UNC80: variants seen among roughly 807,000 people sequenced by gnomAD.
UNC80 encodes the protein unc-80 subunit of NALCN channel complex.
Under a neutral mutation model 384.6 loss-of-function variants are expected in UNC80, and 164 were observed. The ratio of observed to expected loss-of-function variants is 0.43; its 90% CI spans 0.38 to 0.49. UNC80 has a LOEUF of 0.49. Ranked by LOEUF, UNC80 falls within the 20% of genes least tolerant of loss-of-function variation. The pLI, the probability that UNC80 is intolerant of heterozygous loss-of-function variation, is 0.00. For synonymous variants in UNC80, 1,486 were observed against 1,527.8 expected (o/e 0.97, Z 0.64); for missense variants, 3,330 against 4,143.0 (o/e 0.80, Z 5.39).
At position 209,819,193 on chromosome 2, in the gene UNC80, C is replaced by T; in HGVS notation, c.1894C>T (p.Leu632=). The change falls in exon 12 of 65, where the codon CTA becomes TTA. Residue 632 remains leucine (L), a synonymous_variant. Transcript: ENST00000673920. ...LTDSCINYSY[L]EDTEHIDGTN... is the part of the protein sequence containing the mutation. ...AGACTCCTGCATAAACTACAGCTACCTAGAGGACACAGAACATATTGACGG... is the reference window on the plus strand; with the variant it reads ...AGACTCCTGCATAAACTACAGCTACTTAGAGGACACAGAACATATTGACGG... 1 of 1,551,968 alleles carries T rather than the reference C, an allele frequency of 6.4e-7. No homozygotes were observed. Among genetic ancestry groups the T allele is most frequent in the Non-Finnish European group, 8.7e-7 (1 of 1,147,048 alleles).
At chr2:209,964,468 T>C (rs930542934) in intron 51 of UNC80, among the ~76,000 whole-genome samples, 15 of 151,948 alleles carry the variant, frequency 9.9e-5, no homozygotes, top group African/African-American at 3.4e-4. Context: ...AAATTCAGAG[T>C]GTTGCTACAG....
At chr2:209,803,569 TA>T (rs925817488) in intron 7 of UNC80, among the ~76,000 whole-genome samples, 22 of 152,328 alleles carry the variant, frequency 1.4e-4, no homozygotes, top group African/African-American at 5.3e-4. Flanking sequence ...TATGTCAGTA[TA>T]TGCCACCATT....
chr2:209,865,020 G>A (rs974046830), intron 22 of UNC80, among the ~76,000 whole-genome samples: 1 of 152,204 alleles, frequency 6.6e-6, no homozygotes, highest in African/African-American at 2.4e-5. Flanking sequence ...ACAATTCCAT[G>A]TTAAAAGCAC....
intron 5 of UNC80, among the ~76,000 whole-genome samples, chr2:209,788,611 A>G (rs2077604344): frequency 6.8e-6 from 1 of 147,830 alleles, no homozygotes; most frequent in African/African-American, 2.4e-5. Flanking sequence ...AGTAAAATAA[A>G]TATATAAATT....
At chr2:209,864,249 G>A (rs1382354177) in intron 22 of UNC80, among the ~76,000 whole-genome samples, 1 of 152,000 alleles carries the variant, frequency 6.6e-6, no homozygotes, top group Admixed American at 6.6e-5. Context: ...ACCTCGAGGG[G>A]CACCAACCTG....
Position 209,989,181 on chromosome 2 carries a change from C to G in UNC80, c.9315-2985C>G, listed in dbSNP as rs570244973. Among the ~76,000 whole-genome samples, 12 of 148,426 alleles carry G rather than the reference C, an allele frequency of 8.1e-5. No homozygotes were observed. In the South Asian group the frequency reaches 2.6e-3, roughly 32 times the overall value. On this transcript the variant is annotated intron_variant, in intron 61 of 64. Coordinates refer to ENST00000673920, the MANE Select transcript of UNC80 (RefSeq NM_001371986.1). ...TACCAAAAAAAAAAAAAAAAGTATT[C>G]AGGTGTGGTGGCACATATCTGTAAT...
At chr2:209,952,311 A>G (rs558753948) in intron 47 of UNC80, among the ~76,000 whole-genome samples, 12 of 152,256 alleles carry the variant, frequency 7.9e-5, no homozygotes, top group African/African-American at 2.9e-4. Flanking sequence ...AAAATGATTC[A>G]TTTTTACTCT....
At chr2:209,882,424 T>C (rs567609215) in intron 25 of UNC80, among the ~76,000 whole-genome samples, 325 of 152,304 alleles carry the variant, frequency 2.1e-3, no homozygotes, top group African/African-American at 7.6e-3. Flanking sequence ...CATTCATTGC[T>C]TCACACTCTA....
At chr2:209,928,245 AGAATT>A (rs1229590224) in intron 36 of UNC80, among the ~76,000 whole-genome samples, 2 of 152,200 alleles carry the variant, frequency 1.3e-5, no homozygotes, top group Non-Finnish European at 2.9e-5. Flanking sequence ...CTGAGGCAGG[AGAATT>A]GCTTGAACCT....
At chr2:209,889,200 A>G (rs563304002) in intron 26 of UNC80, among the ~76,000 whole-genome samples, 3 of 152,340 alleles carry the variant, frequency 2.0e-5, no homozygotes, top group African/African-American at 4.8e-5. Flanking sequence ...TTCAAGTAAT[A>G]TACTCAGCCT....
chr2:209,777,984 C>T (rs78837394), intron 4 of UNC80, among the ~76,000 whole-genome samples: 2,659 of 152,236 alleles, frequency 0.017, 73 homozygotes, highest in African/African-American at 0.059. Context: ...CTGTCATAGT[C>T]CTCAAAATGC....
At chr2:209,933,321 A>G (rs764059726) in intron 38 of UNC80, among the ~76,000 whole-genome samples, 3 of 152,154 alleles carry the variant, frequency 2.0e-5, no homozygotes, top group African/African-American at 7.2e-5. Context: ...GGTTTGTCAC[A>G]ACAAACCTCA....
chr2:209,938,704 C>G (rs1385367944), intron 42 of UNC80, among the ~76,000 whole-genome samples: 54 of 144,162 alleles, frequency 3.7e-4, no homozygotes, highest in African/African-American at 1.4e-3. Context: ...CTCTCTCTCT[C>G]TCTCTCTGTG....
chr2:209,935,859 C>A, intron 40 of UNC80, 51 bp downstream of exon 40: 1 of 1,092,868 alleles, frequency 9.2e-7, no homozygotes, highest in South Asian at 1.5e-5. Flanking sequence ...GCTATGGCCA[C>A]CTCACTGAAG....
Position 209,976,261 on chromosome 2 carries a change from A to G in UNC80, c.8730A>G (p.Arg2910=), listed in dbSNP as rs1301926483. ...TCCTCGACTTCATCGTGCGGACCCG[A>G]ATACCCATCTTTGTGCTTTTGCGCC... ...WDFLDFIVRT[R]IPIFVLLRPF... Residue 2910 remains arginine (R), a synonymous_variant, in exon 57 of 65, where the codon CGA becomes CGG. Coordinates refer to ENST00000673920, the MANE Select transcript of UNC80 (RefSeq NM_001371986.1). This position sits in a 1 kb window ranked among gnomAD's most constrained non-coding sequence, Gnocchi z 4.3. 1.9e-6 allele frequency: 3 copies of G among 1,551,732 alleles called. No individual in the cohort carries two copies. In the Admixed American group the frequency reaches 5.9e-5, roughly 30 times the overall value.
Position 209,945,837 on chromosome 2 carries a change from G to T in UNC80, c.7190-10G>T. 1 of 1,547,836 alleles carries T rather than the reference G, an allele frequency of 6.5e-7. No individual in the cohort carries two copies. Among genetic ancestry groups the T allele is most frequent in the Non-Finnish European group, 8.7e-7 (1 of 1,143,818 alleles). Reference sequence around the variant, plus strand: ...CTCTGATAGTTTGCCTTTACTTTTTGTTCCTTCAGATTTCTGCTATGGAAA... The same window carrying T: ...CTCTGATAGTTTGCCTTTACTTTTTTTTCCTTCAGATTTCTGCTATGGAAA... On this transcript the variant is annotated splice_polypyrimidine_tract_variant and intron_variant, in intron 46 of 64. Transcript: ENST00000673920.
rs1451236261 is a variant in UNC80 at position 209,957,722 on chromosome 2, T to G, written c.7536T>G (p.Ser2512=). The change falls in exon 49 of 65, where the codon TCT becomes TCG. Residue 2512 remains serine (S), a synonymous_variant. Coordinates refer to ENST00000673920, the MANE Select transcript of UNC80 (RefSeq NM_001371986.1). ...CCACAGCCAATCACACCATGTCGTCTGGGGTGAACACCAGGTAATTCACTG... is the reference window on the plus strand; with the variant it reads ...CCACAGCCAATCACACCATGTCGTCGGGGGTGAACACCAGGTAATTCACTG... ...GTTTANHTMS[S]GVNTRYQEQG... is the part of the protein sequence containing the mutation. 6.4e-7 allele frequency: 1 copy of G among 1,551,526 alleles called. No homozygotes were observed. The highest frequency in any genetic ancestry group is 2.0e-5 in the Admixed American group (1 of 51,000).
chr2:209,992,386 G>T lies in UNC80; in HGVS notation c.9396+139G>T, dbSNP rs2093408573. 4.0e-6 allele frequency: 3 copies of T among 755,490 alleles called. No homozygotes were observed. In the African/African-American group the frequency reaches 5.3e-5, roughly 13 times the overall value. The allele number at this position is 755,490 out of a possible 1,614,324, so 46.8% of individuals were successfully genotyped here. A position where few individuals can be genotyped will look rare whatever the true frequency, so the allele number is the denominator to read the frequency against. On this transcript the variant is annotated intron_variant, in intron 62 of 64. Coordinates refer to ENST00000673920, the MANE Select transcript of UNC80 (RefSeq NM_001371986.1). ...GCTACTGGGGAGGCTGATGTGGGAG[G>T]ATTGCTTGAGCCCAGGAGTTAGAGT...
chr2:209,854,788 A>C (rs2082777311), intron 22 of UNC80, among the ~76,000 whole-genome samples: 1 of 152,206 alleles, frequency 6.6e-6, no homozygotes, highest in South Asian at 2.1e-4. Context: ...TTAAAAACTC[A>C]AGAAACAACA....
Sources: gnomAD v4.1 joint callset for allele counts (sites outside exome capture counted in the v4.1 genomes callset) on GRCh38, gnomAD v4.1.1 for gene constraint, Gnocchi (gnomAD v3.1) non-coding constraint, MANE v1.5 for transcripts, NCBI Gene and HGNC (gene_info 2026-07-23, HGNC 2026-07-21) for gene names.